Variants in ANTXRL observed in about 807,000 individuals in gnomAD.
ANTXRL encodes the protein anthrax toxin receptor-like.
A neutral mutation model predicts 75.4 loss-of-function variants in ANTXRL; 63 were observed. The ratio of observed to expected loss-of-function variants is 0.84; its 90% CI spans 0.68 to 1.03. The LOEUF is 1.03. Ranked by LOEUF, ANTXRL falls within the 50% of genes least tolerant of loss-of-function variation. The probability of loss-of-function intolerance (pLI) is 0.00; values close to 1 mark genes in which losing one functional copy is unlikely to be tolerated. For missense variants in ANTXRL, 797 were observed against 789.4 expected, an observed-to-expected ratio of 1.01 and a Z score of -0.12; for synonymous variants, 335 against 291.3, an observed-to-expected ratio of 1.15 and a Z score of -1.53.
intron 5 of ANTXRL, among the ~76,000 whole-genome samples, chr10:46,296,590 G>C (rs1554958802): frequency 6.6e-6 from 1 of 152,124 alleles, no homozygotes; most frequent in Non-Finnish European, 1.5e-5. Flanking sequence ...TCCCTTGCAT[G>C]TCTTCCCTCC....
chr10:46,309,252 C>T, intron 13 of ANTXRL, 50 bp downstream of exon 13: 1 of 1,529,040 alleles, frequency 6.5e-7, no homozygotes, highest in East Asian at 2.4e-5. Context: ...CAGGCCCACC[C>T]TCTGAGGGAC....
intron 7 of ANTXRL, among the ~76,000 whole-genome samples, 164 bp downstream of exon 7, chr10:46,297,638 C>T (rs1189919149): frequency 6.6e-6 from 1 of 152,128 alleles, no homozygotes; most frequent in African/African-American, 2.4e-5. Context: ...ATAAATCCCA[C>T]CATGCCAAAG....
intron 16 of ANTXRL, among the ~76,000 whole-genome samples, chr10:46,319,917 G>A (rs1838901598): frequency 6.6e-6 from 1 of 152,114 alleles, no homozygotes; most frequent in South Asian, 2.1e-4. Flanking sequence ...GGAGAGATAG[G>A]TGTAACATTC....
At chr10:46,300,572 C>T (rs1554960240) in intron 9 of ANTXRL, among the ~76,000 whole-genome samples, 1 of 151,772 alleles carries the variant, frequency 6.6e-6, no homozygotes, top group East Asian at 1.9e-4. Context: ...CCTCCAGGGT[C>T]CACTTCCTGT....
chr10:46,328,731 A>T (rs1565060542), intron 16 of ANTXRL, among the ~76,000 whole-genome samples: 2 of 151,952 alleles, frequency 1.3e-5, no homozygotes, highest in Non-Finnish European at 2.9e-5. Context: ...TGCCTTTCTT[A>T]ACAAAAGCAG....
chr10:46,314,484 G>A (rs1433008953), intron 16 of ANTXRL, among the ~76,000 whole-genome samples: 3 of 152,062 alleles, frequency 2.0e-5, no homozygotes, highest in African/African-American at 7.2e-5. Context: ...GTGAAAACAG[G>A]CACCTCAAGC....
chr10:46,300,772 C>G (rs1245359140), intron 9 of ANTXRL, among the ~76,000 whole-genome samples: 3 of 152,188 alleles, frequency 2.0e-5, no homozygotes. Flanking sequence ...TCCCTCTCAT[C>G]AGTCACTTGT....
At chr10:46,293,216 C>CTG (rs369165090) in intron 2 of ANTXRL, 20 of 147,314 alleles carry the variant, frequency 1.4e-4, no homozygotes, top group Middle Eastern at 3.6e-3. Flanking sequence ...ATGTGTGTGA[C>CTG]TGTGTGTGTG....
Position 46,295,610 on chromosome 10 carries a change from T to C in ANTXRL, c.393-409T>C, listed in dbSNP as rs1246728646. ...TTAGAGTTAGAGTTAGAGTTAGAGT[T>C]AGAGTTAGAGTTAGGAATGTCAACC... On this transcript the variant is annotated intron_variant, in intron 3 of 16. Transcript: ENST00000620264. Among the ~76,000 whole-genome samples, 9 of 62,846 alleles carry C rather than the reference T, an allele frequency of 1.4e-4. 2 individuals carry two copies. Among genetic ancestry groups the C allele is most frequent in the African/African-American group, 4.0e-4 (9 of 22,300 alleles). 41.2% of individuals were successfully genotyped at this position (62,846 alleles called of 152,430 possible).
In ANTXRL at chr10:46,308,806, G is replaced by A. The variant is rs1588841535; in HGVS notation, c.1045-307G>A. 1.6e-5 allele frequency: 7 copies of A among 432,936 alleles called. No individual in the cohort carries two copies. The East Asian group carries it at 3.4e-4, about 21-fold the overall frequency. 26.8% of individuals were successfully genotyped at this position (432,936 alleles called of 1,614,324 possible). A position where few individuals can be genotyped will look rare whatever the true frequency, so the allele number is the denominator to read the frequency against. Reference sequence around the variant, plus strand: ...TGCACCTCCACCCTCACCTGTCTTTGTACCGGTAGATTTTGTGGTCCTCAC... The same window carrying A: ...TGCACCTCCACCCTCACCTGTCTTTATACCGGTAGATTTTGTGGTCCTCAC... On this transcript the variant is annotated intron_variant, in intron 12 of 16. Transcript: ENST00000620264.
chr10:46,303,439 T>C (rs1418845517), intron 10 of ANTXRL, among the ~76,000 whole-genome samples: 9 of 152,190 alleles, frequency 5.9e-5, no homozygotes, highest in African/African-American at 1.4e-4. Flanking sequence ...ACCACAGATA[T>C]TTTAGTTTTC....
intron 2 of ANTXRL, among the ~76,000 whole-genome samples, chr10:46,293,518 T>C (rs1328009107): frequency 1.7e-5 from 2 of 116,248 alleles, no homozygotes; most frequent in South Asian, 2.8e-4. Context: ...TGTGTGTGTG[T>C]GTGCCTCTGT....
intron 7 of ANTXRL, 65 bp from the exon 8 acceptor site, chr10:46,297,765 TG>T: frequency 7.2e-7 from 1 of 1,382,638 alleles, no homozygotes; most frequent in Non-Finnish European, 9.9e-7. Context: ...CACTGTCTCC[TG>T]GGCCGGGGGT....
chr10:46,313,206 T>C (rs1554963930), intron 15 of ANTXRL, 30 bp from the exon 16 acceptor site: 20 of 1,530,456 alleles, frequency 1.3e-5, no homozygotes, highest in Non-Finnish European at 1.2e-5. Context: ...CCAAGCTGCA[T>C]GTCTTCCTCA....
chr10:46,326,414 G>T (rs1381340218), intron 16 of ANTXRL, among the ~76,000 whole-genome samples: 2 of 152,080 alleles, frequency 1.3e-5, no homozygotes, highest in East Asian at 3.9e-4. Flanking sequence ...GGGTGGCAGT[G>T]CCAGGAGGAG....
At chr10:46,302,204 G>A (rs1588823583) in intron 9 of ANTXRL, among the ~76,000 whole-genome samples, 1 of 152,284 alleles carries the variant, frequency 6.6e-6, no homozygotes, top group East Asian at 1.9e-4. Flanking sequence ...TGGGTGTCCT[G>A]CCTGCCACAG....
chr10:46,309,420 G>A (rs1838291246), intron 13 of ANTXRL, among the ~76,000 whole-genome samples: 1 of 152,224 alleles, frequency 6.6e-6, no homozygotes, highest in African/African-American at 2.4e-5. Context: ...GCTGGCCACA[G>A]AGAGCTGGCC....
intron 16 of ANTXRL, among the ~76,000 whole-genome samples, chr10:46,314,525 G>A (rs1209350279): frequency 5.3e-5 from 8 of 152,054 alleles, no homozygotes; most frequent in Non-Finnish European, 7.4e-5. Flanking sequence ...GAAGGTTGGC[G>A]TGGGAAAGGG....
At position 46,287,060 on chromosome 10, in the gene ANTXRL, C is replaced by T; in HGVS notation, c.-203C>T. 1 of 661,408 alleles carries T rather than the reference C, an allele frequency of 1.5e-6. No homozygotes were observed. 41.0% of individuals were successfully genotyped at this position (661,408 alleles called of 1,614,324 possible). A position where few individuals can be genotyped will look rare whatever the true frequency, so the allele number is the denominator to read the frequency against. ...CAGGCAGGTAGCTGGAAGCAAGTCT[C>T]CCAGAGCCAGCTGCTGACCCTAGTC... On this transcript the variant is annotated 5_prime_UTR_variant, in exon 1 of 17. Coordinates refer to ENST00000620264, the MANE Select transcript of ANTXRL (RefSeq NM_001278688.3).
Sources: gnomAD v4.1 joint callset for allele counts (sites outside exome capture counted in the v4.1 genomes callset) on GRCh38, gnomAD v4.1.1 for gene constraint, MANE v1.5 for transcripts, NCBI Gene and HGNC (gene_info 2026-07-23, HGNC 2026-07-21) for gene names.